NGLY1: variants seen among roughly 807,000 people sequenced by gnomAD.
NGLY1 encodes peptide-N(4)-(N-acetyl-beta-glucosaminyl)asparagine amidase.
Under a neutral mutation model 84.6 loss-of-function variants are expected in NGLY1, and 68 were observed. That is an observed-to-expected ratio of 0.80 (90% CI 0.66 to 0.98). The LOEUF is 0.98. NGLY1 is among the 50% of genes least tolerant of loss of function. The probability of loss-of-function intolerance (pLI) is 0.00; values close to 1 mark genes in which losing one functional copy is unlikely to be tolerated. For synonymous variants in NGLY1, 280 were observed against 275.2 expected (o/e 1.02, Z -0.17); for missense variants, 779 against 770.2 (o/e 1.01, Z -0.14).
At chr3:25,766,288 A>G (rs184656818) in intron 2 of NGLY1, among the ~76,000 whole-genome samples, 199 of 152,282 alleles carry the variant, frequency 1.3e-3, no homozygotes, top group African/African-American at 4.5e-3. Flanking sequence ...GCTGGTCTCA[A>G]ACTCCTGACT....
rs568754424 is a variant in NGLY1 at position 25,727,551 on chromosome 3, A to G, written c.1611+1582T>C. Among the ~76,000 whole-genome samples the G allele has an allele frequency of 2.3e-4, 35 of 152,192 alleles. No individual in the cohort carries two copies. The East Asian group carries it at 6.6e-3, about 29-fold the overall frequency. On this transcript the variant is annotated intron_variant, in intron 10 of 11. Coordinates refer to ENST00000280700, the MANE Select transcript of NGLY1 (RefSeq NM_018297.4). ...AGCCAAAGCTAATTACTCCCACCTCACTGTTTCCATAGCAATGTGTTGATA... is the reference window on the plus strand; with the variant it reads ...AGCCAAAGCTAATTACTCCCACCTCGCTGTTTCCATAGCAATGTGTTGATA...
At chr3:25,745,187 T>C (rs1706358945) in intron 4 of NGLY1, among the ~76,000 whole-genome samples, 1 of 152,176 alleles carries the variant, frequency 6.6e-6, no homozygotes. Context: ...TCCAGTAGGG[T>C]TGTCACTAAC....
At chr3:25,753,710 C>A (rs1267457370) in intron 3 of NGLY1, among the ~76,000 whole-genome samples, 1 of 151,466 alleles carries the variant, frequency 6.6e-6, no homozygotes, top group East Asian at 1.9e-4. Flanking sequence ...AAGGAATAAA[C>A]CTATTATAGA....
intron 2 of NGLY1, 112 bp from the exon 3 acceptor site, chr3:25,764,423 C>T: frequency 8.7e-7 from 1 of 1,144,270 alleles, no homozygotes; most frequent in Non-Finnish European, 1.2e-6. Context: ...ATGCATGTTT[C>T]TAAAATCATA....
upstream of NGLY1, among the ~76,000 whole-genome samples, chr3:25,785,288 T>A (rs950761374): frequency 2.0e-5 from 3 of 148,364 alleles, no homozygotes; most frequent in South Asian, 4.2e-4. Context: ...TTACAAAAAA[T>A]AAAAAAAAAA....
At chr3:25,733,531 T>C (rs985629431) in intron 8 of NGLY1, among the ~76,000 whole-genome samples, 2 of 147,796 alleles carry the variant, frequency 1.4e-5, no homozygotes, top group South Asian at 4.4e-4. Context: ...ACATACATAA[T>C]ACATAAATAT....
chr3:25,749,463 T>G, intron 4 of NGLY1: 1 of 1,274,728 alleles, frequency 7.8e-7, no homozygotes, highest in Non-Finnish European at 1.1e-6. Flanking sequence ...CCTACAGAGG[T>G]GGCAGCCATC....
intron 3 of NGLY1, chr3:25,755,660 A>G: frequency 6.7e-7 from 1 of 1,487,664 alleles, no homozygotes. Context: ...GAAGATGATG[A>G]TGACAATGAT....
At chr3:25,726,803 C>T (rs1404561072) in intron 10 of NGLY1, among the ~76,000 whole-genome samples, 3 of 152,222 alleles carry the variant, frequency 2.0e-5, no homozygotes, top group African/African-American at 7.2e-5. Flanking sequence ...ATTAATACTG[C>T]TTTTATCAAG....
At chr3:25,788,388 C>A (rs1367460858), upstream of NGLY1, among the ~76,000 whole-genome samples, 2 of 152,028 alleles carry the variant, frequency 1.3e-5, no homozygotes, top group Admixed American at 6.6e-5. Flanking sequence ...ATAAGCAGAG[C>A]CCATTTGAAG....
chr3:25,781,692 G>A (rs1417915276), intron 1 of NGLY1, among the ~76,000 whole-genome samples: 3 of 152,048 alleles, frequency 2.0e-5, no homozygotes, highest in African/African-American at 7.2e-5. Flanking sequence ...AGCAAACTCC[G>A]TCTCAAAAAC....
intron 1 of NGLY1, among the ~76,000 whole-genome samples, chr3:25,781,434 T>C (rs965287774): frequency 2.0e-5 from 3 of 152,174 alleles, no homozygotes; most frequent in Non-Finnish European, 1.5e-5. Flanking sequence ...GGCCTGACCC[T>C]AAAGCCCTCA....
intron 6 of NGLY1, 198 bp downstream of exon 6, chr3:25,737,136 G>A (rs907391309): frequency 2.0e-6 from 1 of 505,098 alleles, no homozygotes; most frequent in South Asian, 3.5e-5. Flanking sequence ...ACCAGGCACA[G>A]TGCTAGGTGT....
At chr3:25,769,143 G>C (rs920015604) in intron 2 of NGLY1, among the ~76,000 whole-genome samples, 2 of 152,050 alleles carry the variant, frequency 1.3e-5, no homozygotes, top group African/African-American at 4.8e-5. Flanking sequence ...TGTATCACTT[G>C]AGGTCAGGAG....
At chr3:25,737,252 G>C (rs1226737282) in intron 6 of NGLY1, 82 bp downstream of exon 6, 1 of 1,221,916 alleles carries the variant, frequency 8.2e-7, no homozygotes, top group African/African-American at 1.5e-5. Context: ...AAAAGTAACA[G>C]AGAATCATGG....
At chr3:25,721,872 A>C (rs1265691645) in intron 10 of NGLY1, among the ~76,000 whole-genome samples, 1 of 151,122 alleles carries the variant, frequency 6.6e-6, no homozygotes, top group Non-Finnish European at 1.5e-5. Flanking sequence ...CCATACTCTG[A>C]CCTATCTTCA....
chr3:25,734,078 T>C lies in NGLY1; in HGVS notation c.1150-96A>G, dbSNP rs1705694431. The C allele has an allele frequency of 4.0e-6, 6 of 1,516,568 alleles. No individual in the cohort carries two copies. The Admixed American group carries it at 1.2e-4, about 29-fold the overall frequency. 93.9% of individuals were successfully genotyped at this position (1,516,568 alleles called of 1,614,324 possible). ...GAATGTATGTAATTTTTAAATGCATTTTTTTGGAGACGAAGTCTCGCTCTG... is the reference window on the plus strand; with the variant it reads ...GAATGTATGTAATTTTTAAATGCATCTTTTTGGAGACGAAGTCTCGCTCTG... On this transcript the variant is annotated intron_variant, in intron 7 of 11. Transcript: ENST00000280700.
At chr3:25,773,831 C>T (rs1429204967) in intron 2 of NGLY1, among the ~76,000 whole-genome samples, 1 of 152,156 alleles carries the variant, frequency 6.6e-6, no homozygotes, top group African/African-American at 2.4e-5. Context: ...GGTGCTCTTC[C>T]CTTCCTCTAG....
chr3:25,744,724 G>C (rs139430696), intron 4 of NGLY1, among the ~76,000 whole-genome samples: 67 of 152,280 alleles, frequency 4.4e-4, no homozygotes, highest in African/African-American at 1.4e-3. Context: ...GTTACTCCAA[G>C]GAAGACTACT....
Sources: gnomAD v4.1 joint callset for allele counts (sites outside exome capture counted in the v4.1 genomes callset) on GRCh38, gnomAD v4.1.1 for gene constraint, MANE v1.5 for transcripts, NCBI Gene and HGNC (gene_info 2026-07-23, HGNC 2026-07-21) for gene names.